Variants in SRGAP2B observed in about 807,000 individuals in gnomAD.
SRGAP2B encodes SLIT-ROBO Rho GTPase-activating protein 2B.
Under a neutral mutation model 22.2 loss-of-function variants are expected in SRGAP2B, and 9 were observed. The ratio of observed to expected loss-of-function variants is 0.41; its 90% CI spans 0.24 to 0.71. The LOEUF (loss-of-function observed/expected upper bound fraction) is 0.71, where lower values mean the gene tolerates loss of function less well. SRGAP2B is among the 30% of genes least tolerant of loss of function. SRGAP2B has a pLI of 0.35. For synonymous variants in SRGAP2B, 36 were observed against 87.4 expected (o/e 0.41, Z 3.28); for missense variants, 114 against 235.8 (o/e 0.48, Z 3.38).
chr1:145,080,840 G>A (rs9286579), intron 2 of SRGAP2B, among the ~76,000 whole-genome samples: 1 of 149,460 alleles, frequency 6.7e-6, no homozygotes, highest in Non-Finnish European at 1.5e-5. Flanking sequence ...CAGGCTTGAG[G>A]CACCCAGCCA....
At chr1:145,061,589 T>C (rs1316420123) in intron 2 of SRGAP2B, among the ~76,000 whole-genome samples, 20 of 149,508 alleles carry the variant, frequency 1.3e-4, no homozygotes, top group Non-Finnish European at 3.0e-4. Context: ...GTACATTCAC[T>C]TTTTTTTCCC....
chr1:145,093,953 T>G (rs1553636595), intron 1 of SRGAP2B, among the ~76,000 whole-genome samples: 1 of 149,188 alleles, frequency 6.7e-6, no homozygotes, highest in Non-Finnish European at 1.5e-5. Flanking sequence ...AAAATGTTGA[T>G]GGGGGGGCGG....
At chr1:144,916,141 A>G (rs1211231939) in intron 4 of SRGAP2B, among the ~76,000 whole-genome samples, 7 of 150,374 alleles carry the variant, frequency 4.7e-5, no homozygotes, top group Non-Finnish European at 8.8e-5. Flanking sequence ...GAAACCTCAA[A>G]AAAGAAAACA....
Position 145,024,947 on chromosome 1 carries a change from AG to A in SRGAP2B, c.68-29748del, listed in dbSNP as rs1553624767. On this transcript the variant is annotated intron_variant, in intron 2 of 9. Transcript: ENST00000612199. ...ACTCCCAAGCCCAATATCCCGTTGT[AG>A]AAGCACTTAGTCTGAAATCATAAAA... 2.0e-5 allele frequency among the ~76,000 whole-genome samples: 3 copies of A among 149,716 alleles called. 1 individual carries two copies. Among genetic ancestry groups the A allele is most frequent in the African/African-American group, 7.6e-5 (3 of 39,412 alleles).
intron 3 of SRGAP2B, among the ~76,000 whole-genome samples, chr1:144,992,432 T>A (rs1356586071): frequency 6.6e-6 from 1 of 150,478 alleles, no homozygotes; most frequent in Non-Finnish European, 1.5e-5. Context: ...AATGCTATTT[T>A]AAATTTAGGA....
chr1:145,046,577 GC>G (rs1181595119), intron 2 of SRGAP2B, among the ~76,000 whole-genome samples: 1 of 135,974 alleles, frequency 7.4e-6, no homozygotes, highest in African/African-American at 3.0e-5. Flanking sequence ...CTTTTTGCTT[GC>G]GTCTAAGGCA....
At chr1:145,045,388 AAAGAG>A (rs1389369763) in intron 2 of SRGAP2B, among the ~76,000 whole-genome samples, 4 of 143,314 alleles carry the variant, frequency 2.8e-5, no homozygotes, top group Non-Finnish European at 6.0e-5. Context: ...TAAGAAAAGA[AAAGAG>A]AAAAGAATTT....
At chr1:144,987,965 A>G (rs1424327169) in intron 3 of SRGAP2B, among the ~76,000 whole-genome samples, 10 of 150,990 alleles carry the variant, frequency 6.6e-5, no homozygotes, top group Non-Finnish European at 1.3e-4. Flanking sequence ...ACTGAACTTG[A>G]GCAGGCAGGC....
At chr1:145,039,094 CTT>C (rs1381605164) in intron 2 of SRGAP2B, among the ~76,000 whole-genome samples, 1 of 88,610 alleles carries the variant, frequency 1.1e-5, no homozygotes, top group Non-Finnish European at 2.3e-5. Flanking sequence ...TTTAATAAAA[CTT>C]AGCCACTTAC....
intron 4 of SRGAP2B, among the ~76,000 whole-genome samples, chr1:144,932,521 G>A (rs1453190364): frequency 1.3e-5 from 2 of 150,252 alleles, no homozygotes; most frequent in Non-Finnish European, 2.9e-5. Flanking sequence ...GCCAGAGCAT[G>A]CAGACCTTTT....
At chr1:144,915,530 A>C (rs1553603756) in intron 4 of SRGAP2B, among the ~76,000 whole-genome samples, 2 of 150,204 alleles carry the variant, frequency 1.3e-5, no homozygotes, top group Non-Finnish European at 2.9e-5. Flanking sequence ...ATTCGAGACC[A>C]GCATGGCCAA....
In SRGAP2B at chr1:144,962,789, C is replaced by G. The variant is rs1160902988; in HGVS notation, c.261-7188G>C. Among the ~76,000 whole-genome samples the G allele has an allele frequency of 2.0e-5, 3 of 148,098 alleles. No individual in the cohort carries two copies. The East Asian group carries it at 5.9e-4, about 29-fold the overall frequency. ...ATATCTTATTGTCCAGGCTCCTTCT[C>G]TGAGTCCCTGATGTCTTCTTATTTC... On this transcript the variant is annotated intron_variant, in intron 3 of 9. Coordinates refer to ENST00000612199, the Ensembl canonical transcript of SRGAP2B.
intron 4 of SRGAP2B, among the ~76,000 whole-genome samples, chr1:144,930,785 T>C (rs1665113522): frequency 6.7e-6 from 1 of 148,838 alleles, no homozygotes; most frequent in South Asian, 2.1e-4. Context: ...GGCATCTGTC[T>C]CCTTCTTTTC....
intron 3 of SRGAP2B, chr1:144,964,903 T>G (rs1222392834): frequency 1.5e-6 from 1 of 656,170 alleles, no homozygotes; most frequent in South Asian, 1.8e-5. Context: ...CTGGGTAACA[T>G]AGGACCTGTC....
chr1:145,093,809 C>T (rs1262362021), intron 1 of SRGAP2B, among the ~76,000 whole-genome samples: 2 of 144,424 alleles, frequency 1.4e-5, no homozygotes, highest in Non-Finnish European at 3.0e-5. Context: ...CCCAGACCCC[C>T]GGCCGGGGCA....
At chr1:145,056,996 A>G (rs1164102349) in intron 2 of SRGAP2B, among the ~76,000 whole-genome samples, 2 of 145,742 alleles carry the variant, frequency 1.4e-5, no homozygotes, top group African/African-American at 5.1e-5. Context: ...CACACACGCA[A>G]ACTCCTCCCA....
intron 2 of SRGAP2B, among the ~76,000 whole-genome samples, chr1:145,068,516 T>C (rs1430268405): frequency 6.9e-5 from 7 of 101,280 alleles, no homozygotes; most frequent in African/African-American, 3.1e-4. Context: ...ATCTGTAAGA[T>C]GCAGGGGTAA....
At chr1:144,931,729 T>C (rs1553605698) in intron 4 of SRGAP2B, among the ~76,000 whole-genome samples, 2 of 147,902 alleles carry the variant, frequency 1.4e-5, no homozygotes, top group South Asian at 4.3e-4. Context: ...CTGGCCACAG[T>C]GCAGATGGAA....
intron 3 of SRGAP2B, among the ~76,000 whole-genome samples, chr1:144,979,901 C>T (rs1311096831): frequency 1.3e-5 from 2 of 151,298 alleles, no homozygotes; most frequent in Non-Finnish European, 2.9e-5. Context: ...AATTACCCAG[C>T]CTCAGGTATT....
Sources: allele counts gnomAD v4.1 joint callset (sites outside exome capture counted in the v4.1 genomes callset), GRCh38; gene constraint gnomAD v4.1.1; transcripts MANE v1.5; gene names NCBI Gene and HGNC (gene_info 2026-07-23, HGNC 2026-07-21).